The following PAQR5 variants were observed in gnomAD, a reference collection of about 807,000 sequenced individuals.
PAQR5 encodes progestin and adipoQ receptor family member 5.
PAQR5 carries 20 observed loss-of-function variants against 34.5 expected under a neutral mutation model. The ratio of observed to expected loss-of-function variants is 0.58; its 90% CI spans 0.41 to 0.84. The LOEUF (loss-of-function observed/expected upper bound fraction) is 0.84. Among genes scored for constraint, PAQR5 ranks in the 40% least tolerant of loss-of-function variants. The pLI, the probability that PAQR5 is intolerant of heterozygous loss-of-function variation, is 0.00. For missense variants in PAQR5, 378 were observed against 412.7 expected (o/e 0.92, Z 0.73); for synonymous variants, 131 against 155.6 (o/e 0.84, Z 1.18).
intron 6 of PAQR5, among the ~76,000 whole-genome samples, chr15:69,394,108 TTTTGTTTTTTG>T (rs1266228618): frequency 3.2e-4 from 47 of 147,698 alleles, no homozygotes; most frequent in African/African-American, 1.2e-3. Context: ...ATTGTTTTTT[TTTTGTTTTTTG>T]TTTTTTTTTT....
chr15:69,345,324 C>T (rs1314772562), intron 2 of PAQR5, among the ~76,000 whole-genome samples: 2 of 152,146 alleles, frequency 1.3e-5, no homozygotes, highest in Admixed American at 6.6e-5. Flanking sequence ...AGTTTTTGGA[C>T]TCTCTCATTG....
Position 69,360,116 on chromosome 15 carries a change from A to G in PAQR5, c.36A>G (p.Ile12Met). Residue 12 changes from isoleucine to methionine, a missense_variant, in exon 3 of 9, where the codon ATA (isoleucine) becomes ATG (methionine). Transcript: ENST00000395407. ...LSLKLPRLFSIDQIPQVFHEQ... is the reference protein window; with the variant it reads ...LSLKLPRLFSMDQIPQVFHEQ... The stretch of plus-strand genomic sequence containing the variant: ...TGAAGCTCCCCAGGCTGTTTAGCAT[A>G]GACCAGATACCCCAGGTATGTGCTC... The G allele has an allele frequency of 6.2e-7, 1 of 1,613,620 alleles. No homozygotes were observed. The highest frequency in any genetic ancestry group is 8.5e-7 in the Non-Finnish European group (1 of 1,179,562).
intron 3 of PAQR5, 157 bp from the exon 4 acceptor site, chr15:69,379,726 G>T (rs1166239488): frequency 2.7e-6 from 2 of 751,094 alleles, no homozygotes; most frequent in East Asian, 2.6e-4. Flanking sequence ...AGAAGCTACT[G>T]CGAGGGAAGG....
At chr15:69,366,313 C>A (rs1297088391) in intron 3 of PAQR5, among the ~76,000 whole-genome samples, 4 of 152,180 alleles carry the variant, frequency 2.6e-5, no homozygotes, top group African/African-American at 9.7e-5. Flanking sequence ...AAATCATAGT[C>A]TATTGAATGG....
intron 6 of PAQR5, among the ~76,000 whole-genome samples, chr15:69,395,284 C>G (rs1384223725): frequency 6.6e-6 from 1 of 152,216 alleles, no homozygotes; most frequent in Non-Finnish European, 1.5e-5. Context: ...CGGGCGGGGT[C>G]TGAGTCTGCG....
At chr15:69,343,121 C>T (rs936170442) in intron 2 of PAQR5, among the ~76,000 whole-genome samples, 6 of 152,190 alleles carry the variant, frequency 3.9e-5, no homozygotes, top group Admixed American at 2.0e-4. Context: ...CAGAAGCTTC[C>T]CAGTCTCATG....
intron 1 of PAQR5, among the ~76,000 whole-genome samples, chr15:69,333,197 G>T (rs1039070279): frequency 2.6e-5 from 4 of 151,896 alleles, no homozygotes; most frequent in African/African-American, 9.7e-5. Flanking sequence ...GGTAGCCTGG[G>T]ACTCCTTGGG....
At chr15:69,387,736 G>A (rs1255185519) in intron 5 of PAQR5, among the ~76,000 whole-genome samples, 2 of 151,890 alleles carry the variant, frequency 1.3e-5, no homozygotes, top group African/African-American at 2.4e-5. Flanking sequence ...CCTCCATCAC[G>A]GGCCTCACTG....
chr15:69,304,830 C>T (rs576503572), intron 1 of PAQR5, among the ~76,000 whole-genome samples: 2 of 152,334 alleles, frequency 1.3e-5, no homozygotes, highest in African/African-American at 4.8e-5. Flanking sequence ...GCCAGAGACA[C>T]AGAGACCAAC....
intron 2 of PAQR5, among the ~76,000 whole-genome samples, chr15:69,355,409 TTTTTTCTTTTTC>T (rs1240521164): frequency 1.3e-5 from 2 of 149,144 alleles, no homozygotes; most frequent in Admixed American, 6.8e-5. Flanking sequence ...CTTCTTTCTT[TTTTTTCTTTTTC>T]TTTTTCTTTT....
intron 3 of PAQR5, among the ~76,000 whole-genome samples, chr15:69,374,836 A>G (rs1206652372): frequency 6.6e-6 from 1 of 152,096 alleles, no homozygotes; most frequent in African/African-American, 2.4e-5. Context: ...TCTTACATAC[A>G]AGGAACTTCC....
rs771821017 is a variant in PAQR5 at position 69,397,581 on chromosome 15, T to C, written c.609+17T>C. Reference sequence around the variant, plus strand: ...TTCTACAGGGTAAGGACTGGCTGCATCTCCTCTCTGCCTGTTGGCAACACC... The same window carrying C: ...TTCTACAGGGTAAGGACTGGCTGCACCTCCTCTCTGCCTGTTGGCAACACC... On this transcript the variant is annotated intron_variant, in intron 7 of 8. Coordinates refer to ENST00000395407, the MANE Select transcript of PAQR5 (RefSeq NM_017705.4). 1.3e-6 allele frequency: 2 copies of C among 1,495,098 alleles called. No homozygotes were observed. The highest frequency in any genetic ancestry group is 1.1e-5 in the South Asian group (1 of 88,696). The allele number at this position is 1,495,098 out of a possible 1,614,324, so 92.6% of individuals were successfully genotyped here.
At chr15:69,382,214 A>G (rs887839541) in intron 4 of PAQR5, among the ~76,000 whole-genome samples, 1 of 152,166 alleles carries the variant, frequency 6.6e-6, no homozygotes, top group East Asian at 1.9e-4. Flanking sequence ...GGACATAGAC[A>G]AACTACATGG....
chr15:69,403,846 C>T lies in PAQR5; in HGVS notation c.*24C>T, dbSNP rs764002648. The T allele has an allele frequency of 3.7e-6, 6 of 1,608,530 alleles. No individual in the cohort carries two copies. Among genetic ancestry groups the T allele is most frequent in the Non-Finnish European group, 5.1e-6 (6 of 1,177,898 alleles). ...GACTCAGACCATAAGCTTTTCATGC[C>T]AGATGTCAACATTAAGCTGCAACAT... On this transcript the variant is annotated 3_prime_UTR_variant, in exon 9 of 9. Transcript: ENST00000395407.
In PAQR5 at chr15:69,390,349, T is replaced by TTTA. The variant is rs201514774; in HGVS notation, c.512+572_512+574dup. On this transcript the variant is annotated intron_variant, in intron 6 of 8. Transcript: ENST00000395407. ...ATTTATTTATTTATTTATTTATTTA[T>TTTA]TTATTTATTTATTTTTTTGAGACAG... is the stretch of plus-strand genomic sequence containing the variant. Among the ~76,000 whole-genome samples, 3 of 83,334 alleles carry TTTA rather than the reference T, an allele frequency of 3.6e-5. No individual in the cohort carries two copies. In the East Asian group the frequency reaches 8.7e-4, roughly 24 times the overall value. The allele number at this position is 83,334 out of a possible 152,430, so 54.7% of individuals were successfully genotyped here. A position where few individuals can be genotyped will look rare whatever the true frequency, so the allele number is the denominator to read the frequency against.
chr15:69,300,641 CTTTCTTTCTTT>C (rs2053530641), intron 1 of PAQR5, among the ~76,000 whole-genome samples: 1 of 35,052 alleles, frequency 2.9e-5, no homozygotes, highest in Non-Finnish European at 7.3e-5. Flanking sequence ...TTCTTTCTTT[CTTTCTTTCTTT>C]TCTTTCTTTC....
At chr15:69,398,465 C>T (rs1017729343) in intron 7 of PAQR5, among the ~76,000 whole-genome samples, 1 of 152,184 alleles carries the variant, frequency 6.6e-6, no homozygotes, top group Admixed American at 6.5e-5. Context: ...TAGGGGAAAA[C>T]AATGGATCTG....
At chr15:69,312,515 T>G (rs894434584) in intron 1 of PAQR5, among the ~76,000 whole-genome samples, 1 of 151,632 alleles carries the variant, frequency 6.6e-6, no homozygotes, top group South Asian at 2.1e-4. Context: ...GCAAAAGTCA[T>G]CCTCTTCTCT....
intron 2 of PAQR5, among the ~76,000 whole-genome samples, chr15:69,343,593 TTA>T (rs1366467188): frequency 1.3e-5 from 2 of 152,222 alleles, no homozygotes; most frequent in Non-Finnish European, 2.9e-5. Context: ...AGCCAATTGC[TTA>T]TTCACAATAA....
Sources: gnomAD v4.1 joint callset for allele counts (sites outside exome capture counted in the v4.1 genomes callset) on GRCh38, gnomAD v4.1.1 for gene constraint, MANE v1.5 for transcripts, NCBI Gene and HGNC (gene_info 2026-07-23, HGNC 2026-07-21) for gene names.